SUPT20H: variants seen among roughly 807,000 people sequenced by gnomAD.
SUPT20H encodes the protein SPT20 homolog, SAGA complex component.
In SUPT20H, 82 loss-of-function variants were observed where a neutral mutation model predicts 122.8. That is an observed-to-expected ratio of 0.67 (90% CI 0.56 to 0.80). SUPT20H has a LOEUF of 0.80. Among genes scored for constraint, SUPT20H ranks in the 30% least tolerant of loss-of-function variants. The probability of loss-of-function intolerance (pLI) is 0.00; values close to 1 mark genes in which losing one functional copy is unlikely to be tolerated. For synonymous variants in SUPT20H, 291 were observed against 313.0 expected (o/e 0.93, Z 0.74); for missense variants, 831 against 921.6 (o/e 0.90, Z 1.27).
Position 37,016,608 on chromosome 13 carries a change from A to G in SUPT20H, c.1992+637T>C, listed in dbSNP as rs547897378. Among the ~76,000 whole-genome samples the G allele has an allele frequency of 1.2e-3, 176 of 152,266 alleles. 1 individual carries two copies. The highest frequency in any genetic ancestry group is 4.1e-3 in the African/African-American group (171 of 41,538). On this transcript the variant is annotated intron_variant, in intron 23 of 25. Transcript: ENST00000350612. Reference sequence around the variant, plus strand: ...TCTATTAGAGGATGAGCTTTATCCAACCAAGACCTGACTGGGGGAAACTGG... The same window carrying G: ...TCTATTAGAGGATGAGCTTTATCCAGCCAAGACCTGACTGGGGGAAACTGG...
At chr13:37,016,566 G>A (rs1002823398) in intron 23 of SUPT20H, among the ~76,000 whole-genome samples, 1 of 152,036 alleles carries the variant, frequency 6.6e-6, no homozygotes, top group Non-Finnish European at 1.5e-5. Context: ...AGTTTTTAAT[G>A]TGCCCTTCCT....
At chr13:37,025,520 T>G in intron 16 of SUPT20H, 83 bp from the exon 17 acceptor site, 2 of 876,032 alleles carry the variant, frequency 2.3e-6, no homozygotes, top group Non-Finnish European at 3.6e-6. Flanking sequence ...ATAATGACTA[T>G]TAATGGCAAA....
rs1374034244 is a variant in SUPT20H at position 37,029,774 on chromosome 13, C to T, written c.984G>A (p.Trp328Ter). 1 of 1,598,518 alleles carries T rather than the reference C, an allele frequency of 6.3e-7. No homozygotes were observed. Among genetic ancestry groups the T allele is most frequent in the East Asian group, 2.3e-5 (1 of 43,568 alleles). The change falls in exon 13 of 26, where the codon TGG becomes TGA. Residue 328 changes from tryptophan to a stop codon, truncating the protein, a stop_gained. Transcript: ENST00000350612. LOFTEE classifies it high-confidence loss of function. ...GGCAATGATTTCTTACATGGGCTGGCCAGACTGTTGGCTGTGAGTCATCAG... is the reference window on the plus strand; with the variant it reads ...GGCAATGATTTCTTACATGGGCTGGTCAGACTGTTGGCTGTGAGTCATCAG... Reference protein sequence around the residue: ...IKSDDSQPTVWPAHDVKDDYV... With the variant: ...IKSDDSQPTV
intron 9 of SUPT20H, 131 bp downstream of exon 9, chr13:37,040,274 T>C (rs2138595619): frequency 2.5e-6 from 2 of 791,816 alleles, no homozygotes; most frequent in Middle Eastern, 3.9e-4. Flanking sequence ...TATAAAGGAA[T>C]ACCAGCTTTT....
chr13:37,036,832 A>G (rs886885453), intron 9 of SUPT20H, among the ~76,000 whole-genome samples: 2 of 152,156 alleles, frequency 1.3e-5, no homozygotes, highest in East Asian at 3.9e-4. Context: ...GGATTTTCTT[A>G]ATAATGTTTT....
intron 2 of SUPT20H, among the ~76,000 whole-genome samples, chr13:37,051,280 G>GGAT (rs1239494692): frequency 1.3e-5 from 2 of 152,120 alleles, no homozygotes; most frequent in Non-Finnish European, 2.9e-5. Flanking sequence ...ACAGATAGAT[G>GGAT]GATGAATGTG....
intron 23 of SUPT20H, among the ~76,000 whole-genome samples, chr13:37,016,481 A>T (rs2060524311): frequency 6.6e-6 from 1 of 152,112 alleles, no homozygotes; most frequent in South Asian, 2.1e-4. Context: ...CTTAAAATTA[A>T]TTTTTTTAAA....
At chr13:37,018,919 G>T (rs1038072599) in intron 22 of SUPT20H, among the ~76,000 whole-genome samples, 2 of 152,100 alleles carry the variant, frequency 1.3e-5, no homozygotes, top group Non-Finnish European at 2.9e-5. Flanking sequence ...AAAGTGGTGG[G>T]ATTCTAGGTG....
chr13:37,020,894 G>A lies in SUPT20H; in HGVS notation c.1816+554C>T, dbSNP rs1414398498. 2.6e-5 allele frequency among the ~76,000 whole-genome samples: 4 copies of A among 152,126 alleles called. No homozygotes were observed. The East Asian group carries it at 7.7e-4, about 29-fold the overall frequency. On this transcript the variant is annotated intron_variant, in intron 21 of 25. Coordinates refer to ENST00000350612, the MANE Select transcript of SUPT20H (RefSeq NM_001014286.3). The stretch of plus-strand genomic sequence containing the variant: ...TCCTAAATAAAAGAATGCTTATCAT[G>A]TCTCAGGCACAGTTTAAACACATAA...
At chr13:37,053,538 G>A (rs574084089) in intron 1 of SUPT20H, among the ~76,000 whole-genome samples, 2 of 151,986 alleles carry the variant, frequency 1.3e-5, no homozygotes, top group Admixed American at 1.3e-4. Flanking sequence ...TTGGGGGAAA[G>A]GGGATGGAGA....
At chr13:37,056,228 G>C (rs776059219) in intron 1 of SUPT20H, among the ~76,000 whole-genome samples, 8 of 152,252 alleles carry the variant, frequency 5.3e-5, no homozygotes, top group Middle Eastern at 3.4e-3. Context: ...GGATCTAGAA[G>C]TAGAAATACC....
At chr13:37,052,505 C>A (rs1314615358) in intron 1 of SUPT20H, among the ~76,000 whole-genome samples, 1 of 150,284 alleles carries the variant, frequency 6.7e-6, no homozygotes, top group East Asian at 2.0e-4. Context: ...CTTTCTTACA[C>A]CTTAACAAAA....
rs149642170 is a variant in SUPT20H at position 37,019,223 on chromosome 13, C to T, written c.1872+119G>A. 2.0e-3 allele frequency: 1,376 copies of T among 689,864 alleles called. 15 individuals are homozygous for T. The African/African-American group carries it at 0.023, about 12-fold the overall frequency. 42.7% of individuals were successfully genotyped at this position (689,864 alleles called of 1,614,324 possible). A position where few individuals can be genotyped will look rare whatever the true frequency, so the allele number is the denominator to read the frequency against. ...TACAAAGGTAGCAATAATAACCACA[C>T]CCTTAGAAGAATCTAAACAGACCTC... is the stretch of plus-strand genomic sequence containing the variant. On this transcript the variant is annotated intron_variant, in intron 22 of 25. Coordinates refer to ENST00000350612, the MANE Select transcript of SUPT20H (RefSeq NM_001014286.3).
chr13:37,036,660 C>T (rs187603550), intron 9 of SUPT20H, among the ~76,000 whole-genome samples: 1 of 152,106 alleles, frequency 6.6e-6, no homozygotes, highest in Non-Finnish European at 1.5e-5. Flanking sequence ...AGTGTGCATG[C>T]CTCTTCTGCC....
intron 23 of SUPT20H, among the ~76,000 whole-genome samples, chr13:37,014,192 TAAG>T (rs1370624609): frequency 6.6e-6 from 1 of 152,072 alleles, no homozygotes; most frequent in East Asian, 1.9e-4. Flanking sequence ...TTATTAATGA[TAAG>T]GGGTAAATTA....
At position 37,033,434 on chromosome 13, in the gene SUPT20H, C is replaced by A. The variant is rs762540295; in HGVS notation, c.707+15G>T. The A allele has an allele frequency of 3.1e-6, 5 of 1,606,196 alleles. No individual in the cohort carries two copies. In the South Asian group the frequency reaches 4.5e-5, roughly 14 times the overall value. Reference sequence around the variant, plus strand: ...ACTTGTGTCTTTTGGTTCACCCTTCCACAAAGGCAATTACCGTTTCATTGG... The same window carrying A: ...ACTTGTGTCTTTTGGTTCACCCTTCAACAAAGGCAATTACCGTTTCATTGG... On this transcript the variant is annotated intron_variant, in intron 10 of 25. Coordinates refer to ENST00000350612, the MANE Select transcript of SUPT20H (RefSeq NM_001014286.3).
At chr13:37,055,751 G>A (rs1474557299) in intron 1 of SUPT20H, among the ~76,000 whole-genome samples, 1 of 152,190 alleles carries the variant, frequency 6.6e-6, no homozygotes, top group Non-Finnish European at 1.5e-5. Context: ...AGCAACAAAA[G>A]CCAAAATTGA....
chr13:37,029,296 AG>A (rs2062876858), intron 13 of SUPT20H, among the ~76,000 whole-genome samples: 1 of 152,214 alleles, frequency 6.6e-6, no homozygotes, highest in Non-Finnish European at 1.5e-5. Flanking sequence ...TGGGAGGCCA[AG>A]GTGGGCGGAT....
intron 11 of SUPT20H, 58 bp from the exon 12 acceptor site, chr13:37,031,681 T>C (rs1303110740): frequency 2.2e-5 from 34 of 1,542,422 alleles, no homozygotes; most frequent in Non-Finnish European, 3.0e-5. Flanking sequence ...ATACTGAAAA[T>C]GCTAAATAAG....
Sources: allele counts gnomAD v4.1 joint callset (sites outside exome capture counted in the v4.1 genomes callset), GRCh38; gene constraint gnomAD v4.1.1; transcripts MANE v1.5; gene names NCBI Gene and HGNC (gene_info 2026-07-23, HGNC 2026-07-21).